The following DAPK2 variants were observed in gnomAD, a reference collection of about 807,000 sequenced individuals.
DAPK2 encodes the protein death-associated protein kinase 2.
A neutral mutation model predicts 44.1 loss-of-function variants in DAPK2; 35 were observed. The ratio of observed to expected loss-of-function variants is 0.79; its 90% confidence interval spans 0.61 to 1.05. The LOEUF (loss-of-function observed/expected upper bound fraction) is 1.05. DAPK2 is among the 50% of genes least tolerant of loss of function. The probability of loss-of-function intolerance (pLI) is 0.00; values close to 1 mark genes in which losing one functional copy is unlikely to be tolerated. For synonymous variants in DAPK2, 174 were observed against 182.6 expected, an observed-to-expected ratio of 0.95 and a Z score of 0.38; for missense variants, 453 against 483.2, an observed-to-expected ratio of 0.94 and a Z score of 0.59.
At chr15:63,976,623 G>A (rs1212638916) in intron 2 of DAPK2, among the ~76,000 whole-genome samples, 1 of 151,934 alleles carries the variant, frequency 6.6e-6, no homozygotes, top group African/African-American at 2.4e-5. Context: ...GAGGTTGAGA[G>A]GATCACCTGA....
At chr15:64,002,768 C>T (rs1251128451) in intron 1 of DAPK2, among the ~76,000 whole-genome samples, 3 of 152,318 alleles carry the variant, frequency 2.0e-5, no homozygotes, top group South Asian at 4.1e-4. Context: ...GGCCTTTGTG[C>T]CCCCAACTCA....
At chr15:63,962,214 T>C (rs542104863) in intron 3 of DAPK2, among the ~76,000 whole-genome samples, 74 of 152,360 alleles carry the variant, frequency 4.9e-4, no homozygotes, top group Non-Finnish European at 8.7e-4. Context: ...AGGACTTCTC[T>C]ACACTGTTTA....
chr15:63,959,585 G>A (rs2077826557), intron 3 of DAPK2, among the ~76,000 whole-genome samples: 1 of 152,086 alleles, frequency 6.6e-6, no homozygotes, highest in African/African-American at 2.4e-5. Flanking sequence ...ATTTTGTTGA[G>A]GGCCTTTTCT....
chr15:63,987,410 G>A (rs2078696152), intron 1 of DAPK2, among the ~76,000 whole-genome samples: 1 of 152,154 alleles, frequency 6.6e-6, no homozygotes, highest in Non-Finnish European at 1.5e-5. Flanking sequence ...GGGAGCAGAA[G>A]GGAGCAATTC....
rs2078472074 is a variant in DAPK2 at position 63,980,460 on chromosome 15, G to A, written c.314+3073C>T. 6.6e-6 allele frequency among the ~76,000 whole-genome samples: 1 copy of A among 152,202 alleles called. No homozygotes were observed. Among genetic ancestry groups the A allele is most frequent in the Non-Finnish European group, 1.5e-5 (1 of 68,036 alleles). On this transcript the variant is annotated intron_variant, in intron 2 of 10. Coordinates refer to ENST00000261891, the Ensembl canonical transcript of DAPK2. The surrounding 1 kb of genome is among the most constrained non-coding windows in gnomAD (Gnocchi z 4.3). ...GGGCTGGCAGGGCTGCAGGCACACA[G>A]CAACACTCCTACGTTGTGGTAGTAA...
chr15:64,044,426 T>C (rs1321237701), upstream of DAPK2, among the ~76,000 whole-genome samples: 1 of 150,812 alleles, frequency 6.6e-6, no homozygotes, highest in Non-Finnish European at 1.5e-5. Flanking sequence ...TTATCCATAC[T>C]ATATGTTGGC....
intron 1 of DAPK2, among the ~76,000 whole-genome samples, chr15:64,004,612 G>T (rs866202067): frequency 1.3e-5 from 2 of 152,192 alleles, no homozygotes; most frequent in Non-Finnish European, 2.9e-5. Context: ...GGAGATAGGG[G>T]TCTCTGCTAG....
chr15:64,032,856 T>C (rs1000168350), intron 1 of DAPK2, among the ~76,000 whole-genome samples: 1 of 151,826 alleles, frequency 6.6e-6, no homozygotes, highest in African/African-American at 2.4e-5. Context: ...AAGGCTGAGG[T>C]GGGTGGATCA....
chr15:63,988,289 G>C lies in DAPK2; in HGVS notation c.93-4535C>G. On this transcript the variant is annotated intron_variant, in intron 1 of 10. Coordinates refer to ENST00000261891, the Ensembl canonical transcript of DAPK2. ...TAAGGGCTCTCTAGTTGTCTGCCCA[G>C]GACTCACATTAAAAGGGGTATACCT... Among the ~76,000 whole-genome samples, 2 of 152,002 alleles carry C rather than the reference G, an allele frequency of 1.3e-5. 1 individual carries two copies. Among genetic ancestry groups the C allele is most frequent in the Non-Finnish European group, 2.9e-5 (2 of 68,006 alleles).
intron 4 of DAPK2, among the ~76,000 whole-genome samples, chr15:63,934,249 G>GTTTTTTTT (rs772176640): frequency 4.7e-5 from 3 of 63,286 alleles, no homozygotes; most frequent in African/African-American, 6.4e-5. Context: ...TTTTATCCTA[G>GTTTTTTTT]TTTTTTTTTT....
intron 2 of DAPK2, among the ~76,000 whole-genome samples, chr15:63,979,375 T>C (rs1283246141): frequency 1.3e-5 from 2 of 152,196 alleles, no homozygotes; most frequent in African/African-American, 4.8e-5. Context: ...GAGCCAGGCA[T>C]GTCCTCCTAG....
intron 10 of DAPK2, chr15:63,909,651 A>G (rs1460501877): frequency 6.6e-6 from 1 of 152,042 alleles, no homozygotes; most frequent in Non-Finnish European, 1.5e-5. Flanking sequence ...AAAATACATA[A>G]ATTAGCCAGG....
chr15:64,016,124 G>C (rs1264247003), intron 1 of DAPK2, among the ~76,000 whole-genome samples: 2 of 152,208 alleles, frequency 1.3e-5, no homozygotes, highest in Non-Finnish European at 2.9e-5. Flanking sequence ...CTGCAGGTCA[G>C]CATGGCCATA....
In DAPK2 at chr15:63,976,071, G is replaced by A. The variant is rs1409091927; in HGVS notation, c.315-4510C>T. ...TAGCATCATGAAAAGTAGAACAACCGGACATAAAATAGTGACATAGAAAGT... is the reference window on the plus strand; with the variant it reads ...TAGCATCATGAAAAGTAGAACAACCAGACATAAAATAGTGACATAGAAAGT... On this transcript the variant is annotated intron_variant, in intron 2 of 10. Coordinates refer to ENST00000261891, the Ensembl canonical transcript of DAPK2. 6.6e-5 allele frequency among the ~76,000 whole-genome samples: 10 copies of A among 152,116 alleles called. No homozygotes were observed. The South Asian group carries it at 1.0e-3, about 16-fold the overall frequency.
intron 4 of DAPK2, among the ~76,000 whole-genome samples, chr15:63,934,249 G>GTTTTTTTTT (rs772176640): frequency 1.6e-5 from 1 of 63,286 alleles, no homozygotes; most frequent in Non-Finnish European, 3.0e-5. Context: ...TTTTATCCTA[G>GTTTTTTTTT]TTTTTTTTTT....
chr15:63,915,677 C>T (rs2078908259), intron 8 of DAPK2, among the ~76,000 whole-genome samples: 1 of 152,170 alleles, frequency 6.6e-6, no homozygotes, highest in African/African-American at 2.4e-5. Context: ...AGATCATTCC[C>T]AGAGGCTATT....
At chr15:64,044,972 A>G (rs1466716912), upstream of DAPK2, among the ~76,000 whole-genome samples, 1 of 152,176 alleles carries the variant, frequency 6.6e-6, no homozygotes, top group Admixed American at 6.5e-5. Flanking sequence ...TCTACATTCC[A>G]GGCTTTGACC....
At chr15:64,033,307 A>AGGAAGGAAGGAAGGAG (rs2080080433) in intron 1 of DAPK2, among the ~76,000 whole-genome samples, 1 of 140,006 alleles carries the variant, frequency 7.1e-6, no homozygotes, top group African/African-American at 2.6e-5. Context: ...GAAGGAAGGA[A>AGGAAGGAAGGAAGGAG]GGAAGGAAGG....
chr15:63,921,316 C>T (rs1381831819), intron 8 of DAPK2: 4 of 152,252 alleles, frequency 2.6e-5, no homozygotes, highest in Non-Finnish European at 5.9e-5. Context: ...ATTAGAAGGT[C>T]TCTACTTTTG....
Sources: allele counts gnomAD v4.1 joint callset (sites outside exome capture counted in the v4.1 genomes callset), GRCh38; gene constraint gnomAD v4.1.1; non-coding constraint Gnocchi (gnomAD v3.1); transcripts MANE v1.5; gene names NCBI Gene and HGNC (gene_info 2026-07-23, HGNC 2026-07-21).